SLC24A3: variants seen among roughly 807,000 people sequenced by gnomAD.
The protein encoded by SLC24A3 is sodium/potassium/calcium exchanger 3.
SLC24A3 carries 28 observed loss-of-function variants against 75.8 expected under a neutral mutation model. That is an observed-to-expected ratio of 0.37 (90% CI 0.27 to 0.51). The LOEUF (loss-of-function observed/expected upper bound fraction) is 0.51, where lower values mean the gene tolerates loss of function less well. SLC24A3 is among the 20% of genes least tolerant of loss of function. The pLI is 0.94. For synonymous variants in SLC24A3, 372 were observed against 334.1 expected, an observed-to-expected ratio of 1.11 and a Z score of -1.24; for missense variants, 663 against 847.8, an observed-to-expected ratio of 0.78 and a Z score of 2.71.
chr20:19,262,174 C>T (rs1027332923), intron 1 of SLC24A3, among the ~76,000 whole-genome samples: 10 of 152,040 alleles, frequency 6.6e-5, no homozygotes, highest in East Asian at 5.8e-4. Context: ...GAGGCCGAGG[C>T]GGGCGGATCA....
At chr20:19,662,571 C>T (rs922052884) in intron 7 of SLC24A3, among the ~76,000 whole-genome samples, 4 of 152,238 alleles carry the variant, frequency 2.6e-5, no homozygotes, top group African/African-American at 4.8e-5. Context: ...AGGACTGGAA[C>T]GTGAGCACCA....
At chr20:19,686,667 C>T (rs1482414404) in intron 12 of SLC24A3, among the ~76,000 whole-genome samples, 1 of 152,194 alleles carries the variant, frequency 6.6e-6, no homozygotes, top group African/African-American at 2.4e-5. Context: ...TGCGCAGGGT[C>T]TTGCTGTGCT....
At chr20:19,221,687 G>C (rs999504185) in intron 1 of SLC24A3, among the ~76,000 whole-genome samples, 1 of 152,164 alleles carries the variant, frequency 6.6e-6, no homozygotes, top group Non-Finnish European at 1.5e-5. Context: ...TGTTGCCTCT[G>C]AGAAATCTGC....
Position 19,581,324 on chromosome 20 carries a change from G to A in SLC24A3, c.423+1250G>A, listed in dbSNP as rs549822691. On this transcript the variant is annotated intron_variant, in intron 4 of 16. Coordinates refer to ENST00000328041, the MANE Select transcript of SLC24A3 (RefSeq NM_020689.4). ...CACTATTGGGTGTTTTATTATTCAT[G>A]CAGAGCAAAACAACTCTCTCTCTTT... Among the ~76,000 whole-genome samples the A allele has an allele frequency of 2.6e-5, 4 of 152,296 alleles. 1 individual carries two copies. Among genetic ancestry groups the A allele is most frequent in the South Asian group, 4.1e-4 (2 of 4,826 alleles).
intron 2 of SLC24A3, among the ~76,000 whole-genome samples, chr20:19,435,018 G>C (rs1987174445): frequency 6.6e-6 from 1 of 152,180 alleles, no homozygotes; most frequent in African/African-American, 2.4e-5. Context: ...GTAGCTTGAG[G>C]TGCTCTGCAT....
At chr20:19,252,696 A>G (rs1002393341) in intron 1 of SLC24A3, among the ~76,000 whole-genome samples, 6 of 150,160 alleles carry the variant, frequency 4.0e-5, no homozygotes, top group African/African-American at 1.5e-4. Context: ...CAGTCATCTT[A>G]GTACATTCAT....
chr20:19,301,803 C>T (rs1984202671), intron 2 of SLC24A3, among the ~76,000 whole-genome samples: 1 of 152,168 alleles, frequency 6.6e-6, no homozygotes, highest in South Asian at 2.1e-4. Context: ...TCCTCTTCAG[C>T]TCTTAAAAAT....
At chr20:19,509,097 G>C (rs777289423) in intron 2 of SLC24A3, among the ~76,000 whole-genome samples, 2 of 152,018 alleles carry the variant, frequency 1.3e-5, no homozygotes, top group Admixed American at 6.5e-5. Context: ...GAAGCATGGC[G>C]GTAGGTATTT....
chr20:19,660,865 C>T (rs2122716326), intron 7 of SLC24A3, among the ~76,000 whole-genome samples: 1 of 152,274 alleles, frequency 6.6e-6, no homozygotes, highest in East Asian at 1.9e-4. Context: ...CCGAGAATGA[C>T]TTTGACAGAA....
At position 19,585,039 on chromosome 20, in the gene SLC24A3, G is replaced by C. The variant is rs1312590689; in HGVS notation, c.492G>C (p.Leu164=). 6 of 1,613,692 alleles carry C rather than the reference G, an allele frequency of 3.7e-6. No homozygotes were observed. Among genetic ancestry groups the C allele is most frequent in the Non-Finnish European group, 4.2e-6 (5 of 1,179,600 alleles). The change falls in exon 5 of 17, where the codon CTG becomes CTC. Residue 164 remains leucine, a synonymous_variant. Coordinates refer to ENST00000328041, the MANE Select transcript of SLC24A3 (RefSeq NM_020689.4). ...FMAAGSSAPE[L]FTSVIGVFIT... is the part of the protein sequence containing the mutation. ...CAGCGGGAAGTTCGGCCCCAGAGCT[G>C]TTCACATCGGTCATAGGTAGGTGAC...
At chr20:19,374,284 G>A (rs1485881235) in intron 2 of SLC24A3, among the ~76,000 whole-genome samples, 4 of 152,172 alleles carry the variant, frequency 2.6e-5, no homozygotes, top group Non-Finnish European at 5.9e-5. Flanking sequence ...ACATGCTCAA[G>A]TTGCCATTTC....
At chr20:19,591,560 G>T (rs1048948213) in intron 6 of SLC24A3, among the ~76,000 whole-genome samples, 1 of 151,440 alleles carries the variant, frequency 6.6e-6, no homozygotes, top group African/African-American at 2.4e-5. Flanking sequence ...TACCACTTTG[G>T]CCAGGAAAGA....
At chr20:19,567,447 T>A (rs544440933) in intron 3 of SLC24A3, among the ~76,000 whole-genome samples, 2 of 152,098 alleles carry the variant, frequency 1.3e-5, no homozygotes, top group East Asian at 3.9e-4. Context: ...CAAGTGGGAG[T>A]TAAACACTGA....
At chr20:19,344,258 G>T (rs1468634410) in intron 2 of SLC24A3, among the ~76,000 whole-genome samples, 1 of 152,160 alleles carries the variant, frequency 6.6e-6, no homozygotes, top group Non-Finnish European at 1.5e-5. Flanking sequence ...TATTTTTGAA[G>T]TTTAATAATA....
intron 6 of SLC24A3, among the ~76,000 whole-genome samples, chr20:19,625,790 C>T (rs1358859561): frequency 6.6e-6 from 1 of 152,162 alleles, no homozygotes; most frequent in Non-Finnish European, 1.5e-5. Context: ...CAGTTGGGCA[C>T]AAGTGAATGC....
intron 2 of SLC24A3, among the ~76,000 whole-genome samples, chr20:19,406,191 TGTGTGTGTGTGTGTGTGCGTGC>T (rs1230422151): frequency 1.3e-5 from 2 of 151,176 alleles, no homozygotes; most frequent in Non-Finnish European, 2.9e-5. Context: ...GGTGTGTGTG[TGTGTGTGTGTGTGTGTGCGTGC>T]GTGTGTGTGT....
intron 6 of SLC24A3, among the ~76,000 whole-genome samples, chr20:19,622,558 C>T (rs1321346): frequency 0.28 from 41,889 of 152,008 alleles, 5,837 homozygotes; most frequent in African/African-American, 0.32. Context: ...GAGTCTGTGT[C>T]GACTTTTGAG....
At chr20:19,247,963 G>A (rs1324350674) in intron 1 of SLC24A3, among the ~76,000 whole-genome samples, 1 of 152,128 alleles carries the variant, frequency 6.6e-6, no homozygotes, top group Non-Finnish European at 1.5e-5. Context: ...TGAGATAAGT[G>A]TGTCCTCTAC....
chr20:19,316,025 A>G (rs1265738111), intron 2 of SLC24A3, among the ~76,000 whole-genome samples: 1 of 152,188 alleles, frequency 6.6e-6, no homozygotes, highest in Non-Finnish European at 1.5e-5. Flanking sequence ...GTTGAGTACA[A>G]TGTACTGCAG....
Sources: allele counts gnomAD v4.1 joint callset (sites outside exome capture counted in the v4.1 genomes callset), GRCh38; gene constraint gnomAD v4.1.1; transcripts MANE v1.5; gene names NCBI Gene and HGNC (gene_info 2026-07-23, HGNC 2026-07-21).